AKT3: variants seen among roughly 807,000 people sequenced by gnomAD.
AKT3 encodes the protein AKT serine/threonine kinase 3.
Under a neutral mutation model 65.3 loss-of-function variants are expected in AKT3, and 15 were observed. That is an observed-to-expected ratio of 0.23 (90% CI 0.15 to 0.35). AKT3 has a LOEUF of 0.35. Ranked by LOEUF, AKT3 falls within the 10% of genes least tolerant of loss-of-function variation. AKT3 has a pLI of 1.00. For synonymous variants in AKT3, 206 were observed against 183.8 expected, an observed-to-expected ratio of 1.12 and a Z score of -0.98; for missense variants, 243 against 576.5, an observed-to-expected ratio of 0.42 and a Z score of 5.92.
intron 1 of AKT3, among the ~76,000 whole-genome samples, chr1:243,845,049 A>T (rs1245487556): frequency 6.6e-6 from 1 of 152,212 alleles, no homozygotes; most frequent in African/African-American, 2.4e-5. Context: ...GGTTTGTGAT[A>T]AATGATACAT....
intron 4 of AKT3, among the ~76,000 whole-genome samples, chr1:243,653,440 C>T (rs1044145840): frequency 1.3e-5 from 2 of 152,170 alleles, no homozygotes; most frequent in African/African-American, 4.8e-5. Flanking sequence ...GGTCCCATTC[C>T]TTCTGAAACT....
At chr1:243,772,304 A>C (rs1185867914) in intron 2 of AKT3, among the ~76,000 whole-genome samples, 1 of 152,210 alleles carries the variant, frequency 6.6e-6, no homozygotes, top group Non-Finnish European at 1.5e-5. Flanking sequence ...ACAAAGGGCT[A>C]ATATCCAGAA....
At chr1:243,609,253 A>C (rs893794063) in intron 8 of AKT3, among the ~76,000 whole-genome samples, 22 of 142,562 alleles carry the variant, frequency 1.5e-4, no homozygotes, top group East Asian at 9.2e-4. Context: ...CTGATAATCT[A>C]AAAAAAAAAA....
intron 2 of AKT3, among the ~76,000 whole-genome samples, chr1:243,734,236 ACAAAT>A (rs1258642645): frequency 6.6e-6 from 1 of 152,226 alleles, no homozygotes; most frequent in Non-Finnish European, 1.5e-5. Context: ...AAATGAGTGC[ACAAAT>A]CAAAGTTCAC....
chr1:243,825,845 A>C lies in AKT3; in HGVS notation c.46+17280T>G, dbSNP rs184603676. 2.6e-5 allele frequency among the ~76,000 whole-genome samples: 4 copies of C among 152,208 alleles called. No homozygotes were observed. The East Asian group carries it at 7.7e-4, about 29-fold the overall frequency. ...AAAACTATCTTTTTTTTAAGAAGGG[A>C]GCATAGCCAGGTGCGGTGGCTCACA... On this transcript the variant is annotated intron_variant, in intron 2 of 13. Transcript: ENST00000673466.
At position 243,637,685 on chromosome 1, in the gene AKT3, T is replaced by C. The variant is rs1680076274; in HGVS notation, c.487A>G (p.Ile163Val). The C allele has an allele frequency of 6.2e-7, 1 of 1,602,984 alleles. No individual in the cohort carries two copies. Among genetic ancestry groups the C allele is most frequent in the African/African-American group, 1.3e-5 (1 of 74,646 alleles). The part of the protein sequence containing the change: ...LLGKGTFGKV[I>V]LVREKASGKY... ...CCACTTGCCTTCTCTCGAACCAAAA[T>C]AACTTTCCCAAAAGTGCCTTTACCT... Residue 163 changes from isoleucine to valine, a missense_variant, in exon 6 of 14, where the codon ATT becomes GTT. Physicochemically the swap from Ile to Val is conservative, Grantham distance 29. Around this residue, in one of 6 missense-constraint regions of AKT3, gnomAD observed 61 missense variants for 163.3 expected, o/e 0.37. Coordinates refer to ENST00000673466, the MANE Select transcript of AKT3 (RefSeq NM_005465.7).
At chr1:243,596,192 A>G (rs910909674) in intron 8 of AKT3, among the ~76,000 whole-genome samples, 2 of 152,180 alleles carry the variant, frequency 1.3e-5, no homozygotes, top group African/African-American at 4.8e-5. Context: ...GTACACAAAC[A>G]TTTCTTGGAC....
At chr1:243,537,289 T>C (rs1345881445) in intron 12 of AKT3, among the ~76,000 whole-genome samples, 1 of 152,098 alleles carries the variant, frequency 6.6e-6, no homozygotes, top group Non-Finnish European at 1.5e-5. Flanking sequence ...CTCTCCTCCT[T>C]AATCATTTCC....
intron 8 of AKT3, chr1:243,612,843 A>T (rs1029056009): frequency 6.6e-6 from 1 of 151,902 alleles, no homozygotes; most frequent in Non-Finnish European, 1.5e-5. Context: ...GATCGAGACC[A>T]TCCTGGCCAA....
intron 6 of AKT3, among the ~76,000 whole-genome samples, chr1:243,622,714 T>C (rs1678852955): frequency 6.6e-6 from 1 of 152,174 alleles, no homozygotes; most frequent in African/African-American, 2.4e-5. Context: ...AATAGAACAA[T>C]GACAGTTGAT....
chr1:243,512,240 T>C (rs760917106), intron 13 of AKT3, 84 bp downstream of exon 13: 2 of 685,988 alleles, frequency 2.9e-6, no homozygotes, highest in African/African-American at 3.7e-5. Flanking sequence ...AAATATCAGA[T>C]GAGTTTTTAA....
chr1:243,797,054 G>C (rs1477468954), intron 2 of AKT3, among the ~76,000 whole-genome samples: 1 of 152,050 alleles, frequency 6.6e-6, no homozygotes. Flanking sequence ...AGATGGTGGT[G>C]AATGGTTGCA....
chr1:243,524,248 A>G (rs983022217), intron 12 of AKT3, among the ~76,000 whole-genome samples: 3 of 152,248 alleles, frequency 2.0e-5, no homozygotes, highest in African/African-American at 7.2e-5. Context: ...AAAGCACTAA[A>G]TATTTGGTGA....
intron 12 of AKT3, among the ~76,000 whole-genome samples, chr1:243,522,634 G>T (rs1670792533): frequency 6.6e-6 from 1 of 151,746 alleles, no homozygotes; most frequent in Admixed American, 6.6e-5. Flanking sequence ...AGAGACCCTG[G>T]CTCAAAAATT....
intron 2 of AKT3, among the ~76,000 whole-genome samples, chr1:243,779,574 A>C (rs543377114): frequency 2.6e-5 from 4 of 152,312 alleles, no homozygotes; most frequent in African/African-American, 9.6e-5. Flanking sequence ...ATAAATAATT[A>C]ACCAAAATAC....
intron 1 of AKT3, among the ~76,000 whole-genome samples, chr1:243,847,267 AAGAT>A (rs1695560026): frequency 1.3e-5 from 2 of 152,196 alleles, no homozygotes; most frequent in Admixed American, 1.3e-4. Flanking sequence ...GCTCAAATCT[AAGAT>A]AGTTTTAAAT....
At chr1:243,665,811 T>C (rs1220482391) in intron 3 of AKT3, among the ~76,000 whole-genome samples, 1 of 152,172 alleles carries the variant, frequency 6.6e-6, no homozygotes, top group Non-Finnish European at 1.5e-5. Context: ...ATAAATGGTA[T>C]TGGACACCAA....
At chr1:243,786,304 A>T (rs1345833323) in intron 2 of AKT3, among the ~76,000 whole-genome samples, 2 of 152,230 alleles carry the variant, frequency 1.3e-5, no homozygotes, top group African/African-American at 4.8e-5. Flanking sequence ...ACACAAATCC[A>T]GTCATCCCAT....
At chr1:243,515,976 C>T (rs1274786114) in intron 12 of AKT3, among the ~76,000 whole-genome samples, 3 of 139,670 alleles carry the variant, frequency 2.1e-5, no homozygotes, top group Non-Finnish European at 4.7e-5. Context: ...GACTCCATCT[C>T]AAAAAAAAAA....
Sources: allele counts gnomAD v4.1 joint callset (sites outside exome capture counted in the v4.1 genomes callset), GRCh38; gene constraint gnomAD v4.1.1; regional missense constraint gnomAD v4.1.1; transcripts MANE v1.5; gene names NCBI Gene and HGNC (gene_info 2026-07-23, HGNC 2026-07-21).